Variants in DHRSX observed in about 807,000 individuals in gnomAD.
DHRSX encodes the protein dehydrogenase/reductase X-linked, also known as polyprenol dehydrogenase.
A neutral mutation model predicts 34.0 loss-of-function variants in DHRSX; 31 were observed. That is an observed-to-expected ratio of 0.91 (90% CI 0.69 to 1.23). DHRSX has a LOEUF of 1.23. Among genes scored for constraint, DHRSX ranks in the 50% most tolerant of loss-of-function variants. The pLI, the probability that DHRSX is intolerant of heterozygous loss-of-function variation, is 0.00. For missense variants in DHRSX, 414 were observed against 428.1 expected, an observed-to-expected ratio of 0.97 and a Z score of 0.29; for synonymous variants, 201 against 183.8, an observed-to-expected ratio of 1.09 and a Z score of -0.76.
intron 3 of DHRSX, among the ~76,000 whole-genome samples, chrX:2,348,499 T>C (rs1412388381): frequency 6.6e-6 from 1 of 151,970 alleles, no homozygotes; most frequent in Non-Finnish European, 1.5e-5. Context: ...GAAAAGTAGA[T>C]AGAAAGGCTC....
chrX:2,445,614 A>C (rs1171203033), intron 1 of DHRSX, among the ~76,000 whole-genome samples: 1 of 148,850 alleles, frequency 6.7e-6, no homozygotes, highest in Non-Finnish European at 1.5e-5. Flanking sequence ...CCTGTACACA[A>C]GGAAGAGGTT....
At chrX:2,484,111 T>G (rs5983095) in intron 1 of DHRSX, among the ~76,000 whole-genome samples, 83,645 of 151,864 alleles carry the variant, frequency 0.55, 25,469 homozygotes, top group African/African-American at 0.79. Context: ...TACCTGGGAT[T>G]ACAGGTGCCC....
intron 1 of DHRSX, among the ~76,000 whole-genome samples, chrX:2,484,795 G>A (rs1471946730): frequency 2.6e-5 from 4 of 152,064 alleles, no homozygotes; most frequent in Admixed American, 6.6e-5. Context: ...CTCGCAGAAG[G>A]CGCAGGAAGA....
At chrX:2,382,651 TCAC>T (rs1361818433) in intron 3 of DHRSX, among the ~76,000 whole-genome samples, 5 of 80,176 alleles carry the variant, frequency 6.2e-5, no homozygotes, top group African/African-American at 5.0e-5. Context: ...ATCACCATCA[TCAC>T]CACCATCATC....
In DHRSX at chrX:2,314,333, A is replaced by AAG; in HGVS notation, c.287-22731_287-22730insCT. On this transcript the variant is annotated intron_variant, in intron 3 of 6. Transcript: ENST00000334651. ...GAGGGAGGCAGGGAGGGAAGGAGGGAGGGAGGGAAAGGAGGGAGGGAGGGA... is the reference window on the plus strand; with the variant it reads ...GAGGGAGGCAGGGAGGGAAGGAGGGAAGGGGAGGGAAAGGAGGGAGGGAGGGA... Among the ~76,000 whole-genome samples, 2 of 20,284 alleles carry AAG rather than the reference A, an allele frequency of 9.9e-5. 1 individual carries two copies. The highest frequency in any genetic ancestry group is 2.1e-4 in the Non-Finnish European group (2 of 9,566). The allele number at this position is 20,284 out of a possible 152,430, so 13.3% of individuals were successfully genotyped here. A position where few individuals can be genotyped will look rare whatever the true frequency, so the allele number is the denominator to read the frequency against.
At chrX:2,323,105 T>C (rs1320973031) in intron 3 of DHRSX, among the ~76,000 whole-genome samples, 1 of 152,084 alleles carries the variant, frequency 6.6e-6, no homozygotes, top group East Asian at 1.9e-4. Context: ...AGGTCAACTG[T>C]ATTTTCTTGC....
At chrX:2,293,259 T>G (rs1426940940) in intron 3 of DHRSX, among the ~76,000 whole-genome samples, 1 of 151,618 alleles carries the variant, frequency 6.6e-6, no homozygotes, top group Non-Finnish European at 1.5e-5. Flanking sequence ...AGCTGTTTTT[T>G]TTTTTTTTTT....
rs779834586 is a variant in DHRSX at position 2,377,468 on chromosome X, G to T, written c.286+31277C>A. On this transcript the variant is annotated intron_variant, in intron 3 of 6. Coordinates refer to ENST00000334651, the MANE Select transcript of DHRSX (RefSeq NM_145177.3). Reference sequence around the variant, plus strand: ...GTTCTCAATCTTCTGATAATCTAATGCCACTGCTGATCTGACAGGAGGTGA... The same window carrying T: ...GTTCTCAATCTTCTGATAATCTAATTCCACTGCTGATCTGACAGGAGGTGA... 2.6e-5 allele frequency among the ~76,000 whole-genome samples: 4 copies of T among 152,110 alleles called. No homozygotes were observed. The East Asian group carries it at 7.7e-4, about 29-fold the overall frequency.
intron 2 of DHRSX, among the ~76,000 whole-genome samples, chrX:2,419,354 G>A (rs183273631): frequency 1.4e-3 from 210 of 152,258 alleles, no homozygotes; most frequent in African/African-American, 4.7e-3. Flanking sequence ...GGGACTTCCA[G>A]CCTTGAGAAC....
chrX:2,366,762 ATTT>A (rs111658597), intron 3 of DHRSX, among the ~76,000 whole-genome samples: 1 of 146,370 alleles, frequency 6.8e-6, no homozygotes. Flanking sequence ...TACCCGGATA[ATTT>A]TTTTTTTTTT....
In DHRSX at chrX:2,276,355, G is replaced by A. The variant is rs2041647465; in HGVS notation, c.389-9408C>T. On this transcript the variant is annotated intron_variant, in intron 4 of 6. Transcript: ENST00000334651. Reference sequence around the variant, plus strand: ...CACGTTAGGAGCATTCACGGAATCTGTCTCTTCGCCAATTCAAAGGTGGAG... The same window carrying A: ...CACGTTAGGAGCATTCACGGAATCTATCTCTTCGCCAATTCAAAGGTGGAG... 2.0e-5 allele frequency among the ~76,000 whole-genome samples: 3 copies of A among 152,170 alleles called. No individual in the cohort carries two copies. The South Asian group carries it at 6.2e-4, about 31-fold the overall frequency.
intron 1 of DHRSX, chrX:2,486,456 A>T (rs1304866295): frequency 6.6e-6 from 1 of 152,234 alleles, no homozygotes; most frequent in African/African-American, 2.4e-5. Context: ...GGTTTATTGA[A>T]CAACAGTCCA....
chrX:2,353,017 A>G (rs1331788463), intron 3 of DHRSX, among the ~76,000 whole-genome samples: 1 of 152,176 alleles, frequency 6.6e-6, no homozygotes, highest in African/African-American at 2.4e-5. Flanking sequence ...ATGGCAGGCA[A>G]GATGGCTTGA....
intron 1 of DHRSX, among the ~76,000 whole-genome samples, chrX:2,434,532 G>A (rs115604156): frequency 0.035 from 5,332 of 152,182 alleles, 316 homozygotes; most frequent in African/African-American, 0.12. Context: ...TTAGCCAGAC[G>A]TGGTGATGCT....
chrX:2,295,680 A>T (rs374300295), intron 3 of DHRSX, among the ~76,000 whole-genome samples: 34 of 152,294 alleles, frequency 2.2e-4, no homozygotes, highest in African/African-American at 7.9e-4. Context: ...GGCTGTTAGG[A>T]CACGCTGCTG....
chrX:2,398,892 G>A (rs1427237798), intron 3 of DHRSX, among the ~76,000 whole-genome samples: 3 of 150,530 alleles, frequency 2.0e-5, no homozygotes, highest in Non-Finnish European at 3.0e-5. Context: ...TCGCTCTGTC[G>A]CCCAGGCTGG....
At chrX:2,258,678 T>G (rs1003475921) in intron 5 of DHRSX, among the ~76,000 whole-genome samples, 5 of 152,130 alleles carry the variant, frequency 3.3e-5, no homozygotes, top group Non-Finnish European at 5.9e-5. Context: ...GGTATTTTAT[T>G]ATGGCAGCCC....
intron 3 of DHRSX, among the ~76,000 whole-genome samples, chrX:2,295,960 C>CTGTG (rs2041926961): frequency 2.0e-5 from 3 of 152,130 alleles, no homozygotes; most frequent in South Asian, 2.1e-4. Context: ...CTGGGATGGA[C>CTGTG]TGTGGGGTTC....
chrX:2,392,003 T>A (rs895108635), intron 3 of DHRSX, among the ~76,000 whole-genome samples: 1 of 152,070 alleles, frequency 6.6e-6, no homozygotes, highest in Non-Finnish European at 1.5e-5. Flanking sequence ...AGGCGATCCA[T>A]GGGGATGAGT....
Sources: allele counts gnomAD v4.1 joint callset (sites outside exome capture counted in the v4.1 genomes callset), GRCh38; gene constraint gnomAD v4.1.1; transcripts MANE v1.5; gene names NCBI Gene and HGNC (gene_info 2026-07-23, HGNC 2026-07-21).